The following RBM6 variants were observed in gnomAD, a reference collection of about 807,000 sequenced individuals.
RBM6 encodes the protein RNA binding motif protein 6.
RBM6 carries 23 observed loss-of-function variants against 140.4 expected under a neutral mutation model. The observed-to-expected ratio is 0.16, with a 90% CI of 0.12 to 0.23. The LOEUF (loss-of-function observed/expected upper bound fraction) is 0.23. Among genes scored for constraint, RBM6 ranks in the 10% least tolerant of loss-of-function variants. RBM6 has a pLI of 1.00. For synonymous variants in RBM6, 439 were observed against 475.6 expected (o/e 0.92, Z 1.00); for missense variants, 1,139 against 1,386.7 (o/e 0.82, Z 2.84).
At chr3:50,049,110 A>T (rs528206033) in intron 7 of RBM6, among the ~76,000 whole-genome samples, 1 of 147,702 alleles carries the variant, frequency 6.8e-6, no homozygotes, top group African/African-American at 2.5e-5. Context: ...CTGTTTATTT[A>T]TTTATTTATT....
At chr3:49,994,270 A>G (rs1440750883) in intron 5 of RBM6, among the ~76,000 whole-genome samples, 1 of 151,882 alleles carries the variant, frequency 6.6e-6, no homozygotes, top group Non-Finnish European at 1.5e-5. Flanking sequence ...GTCTCATTAT[A>G]TTGCCGAGGC....
chr3:49,977,401 A>G (rs1424409461), intron 5 of RBM6, among the ~76,000 whole-genome samples: 4 of 152,182 alleles, frequency 2.6e-5, no homozygotes, highest in Non-Finnish European at 2.9e-5. Flanking sequence ...TTTCCATCAT[A>G]TCCTTGTTTG....
chr3:50,019,058 C>T (rs1315457010), intron 6 of RBM6, among the ~76,000 whole-genome samples: 1 of 150,096 alleles, frequency 6.7e-6, no homozygotes, highest in African/African-American at 2.5e-5. Context: ...TTTTTTGAGA[C>T]AAGGTCTTGC....
chr3:49,955,878 GTGTGTGTA>G (rs1455489091), intron 1 of RBM6, among the ~76,000 whole-genome samples: 38 of 151,518 alleles, frequency 2.5e-4, no homozygotes, highest in African/African-American at 9.2e-4. Context: ...GTGTGTGTGT[GTGTGTGTA>G]TATGTATATA....
intron 1 of RBM6, among the ~76,000 whole-genome samples, chr3:49,957,593 C>G (rs968096984): frequency 6.6e-6 from 1 of 152,144 alleles, no homozygotes; most frequent in East Asian, 1.9e-4. Context: ...TGAATTTATA[C>G]TAACTTAAGT....
intron 8 of RBM6, among the ~76,000 whole-genome samples, chr3:50,057,226 C>T (rs1488359778): frequency 6.6e-6 from 1 of 152,150 alleles, no homozygotes; most frequent in Non-Finnish European, 1.5e-5. Flanking sequence ...CCTGTCTCAG[C>T]TTCACTTAAA....
chr3:50,061,584 T>TTTTTTTTTTC, intron 14 of RBM6, 37 bp downstream of exon 14: 1 of 1,282,636 alleles, frequency 7.8e-7, no homozygotes, highest in Non-Finnish European at 1.1e-6. Context: ...TTTTTTTTTT[T>TTTTTTTTTTC]ACCTCTGTCA....
At chr3:50,029,230 G>T (rs936199846) in intron 6 of RBM6, among the ~76,000 whole-genome samples, 5 of 152,318 alleles carry the variant, frequency 3.3e-5, no homozygotes, top group Admixed American at 3.3e-4. Flanking sequence ...CTTAAAAAGA[G>T]AAACTGCAGA....
chr3:50,039,270 G>C (rs892714936), intron 6 of RBM6, among the ~76,000 whole-genome samples: 1 of 151,742 alleles, frequency 6.6e-6, no homozygotes, highest in African/African-American at 2.4e-5. Context: ...ATGGAGTCTC[G>C]CTCTTTTCAC....
chr3:49,962,793 T>C, intron 2 of RBM6, 108 bp downstream of exon 2: 1 of 1,218,862 alleles, frequency 8.2e-7, no homozygotes, highest in South Asian at 1.5e-5. Flanking sequence ...AAATAGTTTC[T>C]GATTTTTTAA....
chr3:49,962,028 C>T (rs1251354203), intron 1 of RBM6, among the ~76,000 whole-genome samples: 4 of 151,238 alleles, frequency 2.6e-5, no homozygotes, highest in East Asian at 3.9e-4. Context: ...GGCCGGCGTG[C>T]GCCTGTAGTT....
intron 6 of RBM6, among the ~76,000 whole-genome samples, chr3:50,018,595 T>G (rs1049696178): frequency 4.5e-5 from 6 of 133,986 alleles, no homozygotes; most frequent in African/African-American, 1.1e-4. Context: ...TTTTTTTTTT[T>G]TTTTTTTTTT....
At chr3:49,944,221 A>G (rs1441224522) in intron 1 of RBM6, among the ~76,000 whole-genome samples, 1 of 152,104 alleles carries the variant, frequency 6.6e-6, no homozygotes, top group Non-Finnish European at 1.5e-5. Flanking sequence ...TACTCTAGGT[A>G]TCTCATGTAA....
chr3:49,982,262 C>CTTTTTTTTTTTTTTTTTTTTTT (rs751604271), intron 5 of RBM6, among the ~76,000 whole-genome samples: 2 of 68,390 alleles, frequency 2.9e-5, no homozygotes, highest in African/African-American at 6.0e-5. Context: ...CTTTTCTTTT[C>CTTTTTTTTTTTTTTTTTTTTTT]TTTTTTTTTT....
intron 8 of RBM6, 31 bp downstream of exon 8, chr3:50,054,426 C>G (rs1360222109): frequency 1.3e-6 from 2 of 1,552,886 alleles, no homozygotes; most frequent in Admixed American, 1.7e-5. Context: ...CAGTTTTTAT[C>G]TCGTGCATTG....
intron 5 of RBM6, among the ~76,000 whole-genome samples, chr3:49,997,274 A>T (rs185438920): frequency 2.6e-5 from 4 of 152,080 alleles, no homozygotes; most frequent in African/African-American, 9.7e-5. Flanking sequence ...TGTGAATATA[A>T]TATTAAATCT....
intron 1 of RBM6, among the ~76,000 whole-genome samples, chr3:49,959,543 A>C (rs1172995388): frequency 1.4e-5 from 2 of 143,186 alleles, no homozygotes; most frequent in African/African-American, 5.2e-5. Flanking sequence ...CCATTTACAG[A>C]ATTCTTGGTT....
intron 1 of RBM6, among the ~76,000 whole-genome samples, chr3:49,944,621 G>T (rs916719601): frequency 4.8e-5 from 7 of 146,690 alleles, no homozygotes; most frequent in Admixed American, 2.1e-4. Flanking sequence ...GATTACAGAT[G>T]TGCGCCACCA....
At position 49,968,097 on chromosome 3, in the gene RBM6, C is replaced by T. The variant is rs2084589447; in HGVS notation, c.672C>T (p.Asp224=). The change falls in exon 3 of 21, where the codon GAC becomes GAT. Residue 224 remains aspartate (D), a synonymous_variant. Transcript: ENST00000266022. ...DFRNRDVSDL[D]FRDKDGTQVD... ...GGAATAGAGATGTATCTGATTTGGA[C>T]TTTAGAGACAAAGACGGAACACAAG... The T allele has an allele frequency of 1.2e-6, 2 of 1,614,144 alleles. No homozygotes were observed. The highest frequency in any genetic ancestry group is 1.1e-5 in the South Asian group (1 of 91,084).
Sources: gnomAD v4.1 joint callset for allele counts (sites outside exome capture counted in the v4.1 genomes callset) on GRCh38, gnomAD v4.1.1 for gene constraint, MANE v1.5 for transcripts, NCBI Gene and HGNC (gene_info 2026-07-23, HGNC 2026-07-21) for gene names.